Variants in PTPRM observed in about 807,000 individuals in gnomAD.
PTPRM encodes protein tyrosine phosphatase receptor type M.
In PTPRM, 47 loss-of-function variants were observed where a neutral mutation model predicts 186.7. The ratio of observed to expected loss-of-function variants is 0.25; its 90% CI spans 0.20 to 0.32. The LOEUF is 0.32. Ranked by LOEUF, PTPRM falls within the 10% of genes least tolerant of loss-of-function variation. PTPRM has a pLI of 1.00. For missense variants in PTPRM, 1,494 were observed against 1,865.0 expected, an observed-to-expected ratio of 0.80 and a Z score of 3.66; for synonymous variants, 668 against 674.9, an observed-to-expected ratio of 0.99 and a Z score of 0.16.
chr18:7,567,699 T>A lies in PTPRM; in HGVS notation c.-120T>A. On this transcript the variant is annotated 5_prime_UTR_variant, in exon 1 of 33. Transcript: ENST00000580170. This position sits in a 1 kb window ranked among gnomAD's most constrained non-coding sequence, Gnocchi z 4.3. The stretch of plus-strand genomic sequence containing the variant: ...ACTGTTGGCACTTTGGGGGCTTGGC[T>A]TAGCGCTCTGCTGTTTACCCGTCTC... 1 of 908,822 alleles carries A rather than the reference T, an allele frequency of 1.1e-6. No homozygotes were observed. Among genetic ancestry groups the A allele is most frequent in the South Asian group, 2.0e-5 (1 of 50,572 alleles). The allele number at this position is 908,822 out of a possible 1,614,324, so 56.3% of individuals were successfully genotyped here. A position where few individuals can be genotyped will look rare whatever the true frequency, so the allele number is the denominator to read the frequency against.
At chr18:8,154,084 C>G (rs530723214) in intron 14 of PTPRM, among the ~76,000 whole-genome samples, 10 of 152,300 alleles carry the variant, frequency 6.6e-5, no homozygotes, top group Non-Finnish European at 1.0e-4. Flanking sequence ...CCCAGGCTCT[C>G]TCAGTTCAGT....
At chr18:7,802,094 TC>T (rs1243748028) in intron 2 of PTPRM, among the ~76,000 whole-genome samples, 1 of 152,174 alleles carries the variant, frequency 6.6e-6, no homozygotes, top group East Asian at 1.9e-4. Context: ...TTTCTCCTTC[TC>T]CCCTCTCCCT....
At chr18:7,932,085 A>C (rs984031952) in intron 5 of PTPRM, among the ~76,000 whole-genome samples, 1 of 152,216 alleles carries the variant, frequency 6.6e-6, no homozygotes, top group Non-Finnish European at 1.5e-5. Context: ...TCCTGTTAGC[A>C]ACCACATCAC....
intron 14 of PTPRM, among the ~76,000 whole-genome samples, chr18:8,212,997 A>C (rs1389292499): frequency 6.6e-6 from 1 of 152,110 alleles, no homozygotes; most frequent in African/African-American, 2.4e-5. Flanking sequence ...CAGCCTGAAA[A>C]TAGAGAACTC....
chr18:8,025,825 A>G (rs1229436204), intron 7 of PTPRM, among the ~76,000 whole-genome samples: 2 of 152,152 alleles, frequency 1.3e-5, no homozygotes, highest in African/African-American at 4.8e-5. Flanking sequence ...AAAAACTCCA[A>G]GGATTTCTTT....
chr18:7,576,145 G>C (rs2036681847), intron 1 of PTPRM, among the ~76,000 whole-genome samples: 1 of 152,196 alleles, frequency 6.6e-6, no homozygotes, highest in Admixed American at 6.5e-5. Context: ...CTGTTTAACA[G>C]AATGATTTAT....
chr18:7,613,056 G>A (rs1488398726), intron 1 of PTPRM, among the ~76,000 whole-genome samples: 1 of 152,110 alleles, frequency 6.6e-6, no homozygotes, highest in African/African-American at 2.4e-5. Context: ...CTGTGATTCA[G>A]TTGCCACTGT....
intron 2 of PTPRM, among the ~76,000 whole-genome samples, chr18:7,887,348 A>G (rs2048840505): frequency 1.3e-5 from 2 of 152,204 alleles, no homozygotes; most frequent in African/African-American, 4.8e-5. Context: ...GTCAAGATCC[A>G]AAGAGCTCGT....
chr18:8,218,591 G>A (rs1017426712), intron 14 of PTPRM, among the ~76,000 whole-genome samples: 3 of 152,114 alleles, frequency 2.0e-5, no homozygotes, highest in African/African-American at 7.2e-5. Context: ...TGCACTCTTG[G>A]GGGACAAGGG....
intron 13 of PTPRM, among the ~76,000 whole-genome samples, chr18:8,118,698 G>C (rs2092050543): frequency 6.6e-6 from 1 of 151,558 alleles, no homozygotes; most frequent in South Asian, 2.1e-4. Context: ...TACTTTCAAG[G>C]CTGAGGCAGG....
chr18:8,375,470 G>A (rs1167689290), intron 24 of PTPRM, among the ~76,000 whole-genome samples: 3 of 152,208 alleles, frequency 2.0e-5, no homozygotes, highest in Non-Finnish European at 4.4e-5. Flanking sequence ...AAACAGAGCT[G>A]TAAATGCAAA....
intron 1 of PTPRM, among the ~76,000 whole-genome samples, chr18:7,582,050 T>A (rs2036860660): frequency 6.6e-6 from 1 of 152,222 alleles, no homozygotes; most frequent in Admixed American, 6.5e-5. Flanking sequence ...TTAAATAAAG[T>A]TTTATGTGAA....
chr18:8,228,059 C>A (rs777842358), intron 14 of PTPRM, among the ~76,000 whole-genome samples: 1 of 152,144 alleles, frequency 6.6e-6, no homozygotes, highest in African/African-American at 2.4e-5. Flanking sequence ...TAAAAATCTT[C>A]GGTTGGTTTG....
chr18:7,877,700 G>T (rs2048314447), intron 2 of PTPRM, among the ~76,000 whole-genome samples: 1 of 152,164 alleles, frequency 6.6e-6, no homozygotes, highest in East Asian at 1.9e-4. Flanking sequence ...AGGTTGTTTG[G>T]CTACAGAGCT....
At chr18:7,602,449 A>G (rs2037425864) in intron 1 of PTPRM, among the ~76,000 whole-genome samples, 1 of 147,944 alleles carries the variant, frequency 6.8e-6, no homozygotes, top group African/African-American at 2.5e-5. Flanking sequence ...TTTTTTTGAG[A>G]CAGGGTCTTG....
intron 14 of PTPRM, among the ~76,000 whole-genome samples, chr18:8,162,787 G>T (rs898454488): frequency 6.6e-6 from 1 of 152,120 alleles, no homozygotes; most frequent in Non-Finnish European, 1.5e-5. Flanking sequence ...ACATCTTTAC[G>T]TGTGTTTCAG....
At chr18:7,981,583 G>GT (rs2082553077) in intron 7 of PTPRM, among the ~76,000 whole-genome samples, 1 of 152,194 alleles carries the variant, frequency 6.6e-6, no homozygotes, top group Admixed American at 6.5e-5. Context: ...CCGGAGGAAT[G>GT]ACTGTGATGT....
chr18:8,102,317 G>A (rs8082936), intron 11 of PTPRM, among the ~76,000 whole-genome samples: 8,303 of 152,178 alleles, frequency 0.055, 263 homozygotes, highest in Middle Eastern at 0.2. Context: ...TTTGCTTTTC[G>A]CAAAAGATTT....
intron 7 of PTPRM, among the ~76,000 whole-genome samples, chr18:8,028,566 A>C (rs1272385462): frequency 6.6e-6 from 1 of 152,214 alleles, no homozygotes; most frequent in African/African-American, 2.4e-5. Context: ...GCCCATTAAA[A>C]CCATATGTGT....
Sources: allele counts gnomAD v4.1 joint callset (sites outside exome capture counted in the v4.1 genomes callset), GRCh38; gene constraint gnomAD v4.1.1; non-coding constraint Gnocchi (gnomAD v3.1); transcripts MANE v1.5; gene names NCBI Gene and HGNC (gene_info 2026-07-23, HGNC 2026-07-21).